The following PTPRG variants were observed in gnomAD, a reference collection of about 807,000 sequenced individuals.
PTPRG encodes protein tyrosine phosphatase receptor type G.
A neutral mutation model predicts 165.3 loss-of-function variants in PTPRG; 102 were observed. The ratio of observed to expected loss-of-function variants is 0.62; its 90% CI spans 0.53 to 0.73. The LOEUF is 0.73. PTPRG is among the 30% of genes least tolerant of loss of function. The pLI, the probability that PTPRG is intolerant of heterozygous loss-of-function variation, is 0.00. For missense variants in PTPRG, 1,866 were observed against 1,861.4 expected (o/e 1.00, Z -0.05); for synonymous variants, 675 against 669.5 (o/e 1.01, Z -0.13).
chr3:61,742,342 T>G, intron 1 of PTPRG: 1 of 686,414 alleles, frequency 1.5e-6, no homozygotes, highest in Non-Finnish European at 2.4e-6. Flanking sequence ...CGTTGATATC[T>G]TCAGTAGTAG....
chr3:62,103,926 G>A (rs56839694), intron 5 of PTPRG, among the ~76,000 whole-genome samples: 1,847 of 152,272 alleles, frequency 0.012, 32 homozygotes, highest in African/African-American at 0.042. Context: ...CCTCTCACTC[G>A]CTATTCTCAC....
chr3:62,098,305 A>G (rs1359201946), intron 5 of PTPRG, among the ~76,000 whole-genome samples: 1 of 152,178 alleles, frequency 6.6e-6, no homozygotes, highest in Non-Finnish European at 1.5e-5. Context: ...AAATAATACC[A>G]TGGTTTGCAT....
intron 1 of PTPRG, among the ~76,000 whole-genome samples, chr3:61,683,308 C>T (rs1342701705): frequency 6.6e-6 from 1 of 152,212 alleles, no homozygotes; most frequent in African/African-American, 2.4e-5. Context: ...GTCAGTCACT[C>T]AGGACAGTTT....
At chr3:62,260,826 C>CA (rs2148856186) in intron 16 of PTPRG, 1 of 152,268 alleles carries the variant, frequency 6.6e-6, no homozygotes, top group African/African-American at 2.4e-5. Context: ...ATCTACATGA[C>CA]AAAATCAGAA....
At chr3:62,125,459 T>A (rs1703253607) in intron 5 of PTPRG, among the ~76,000 whole-genome samples, 1 of 152,208 alleles carries the variant, frequency 6.6e-6, no homozygotes, top group Non-Finnish European at 1.5e-5. Flanking sequence ...TCACATCTAA[T>A]GTGTTTTGGT....
intron 4 of PTPRG, among the ~76,000 whole-genome samples, chr3:62,064,296 A>G (rs1426610141): frequency 6.6e-6 from 1 of 152,224 alleles, no homozygotes; most frequent in Non-Finnish European, 1.5e-5. Context: ...TTAGATCTAT[A>G]TACTTGGGCA....
intron 8 of PTPRG, among the ~76,000 whole-genome samples, chr3:62,169,389 A>T (rs996589576): frequency 6.6e-6 from 1 of 152,090 alleles, no homozygotes. Flanking sequence ...CTTGCTTATT[A>T]TTTTTTTAAC....
At chr3:61,621,047 A>ATGTGTGTGTGTGTG (rs201651526) in intron 1 of PTPRG, among the ~76,000 whole-genome samples, 1 of 97,160 alleles carries the variant, frequency 1.0e-5, no homozygotes, top group African/African-American at 3.6e-5. Context: ...ATATATATAT[A>ATGTGTGTGTGTGTG]TATATGTGTG....
At chr3:62,050,928 C>T (rs1308349637) in intron 4 of PTPRG, among the ~76,000 whole-genome samples, 3 of 152,080 alleles carry the variant, frequency 2.0e-5, no homozygotes, top group South Asian at 2.1e-4. Context: ...ATTAATACTC[C>T]GACTTTGTTT....
At chr3:62,179,639 T>A (rs1182245019) in intron 8 of PTPRG, among the ~76,000 whole-genome samples, 2 of 152,188 alleles carry the variant, frequency 1.3e-5, no homozygotes, top group African/African-American at 4.8e-5. Context: ...AGTGGCTCAG[T>A]CCCTGCCATG....
intron 5 of PTPRG, among the ~76,000 whole-genome samples, chr3:62,126,545 A>G (rs539909299): frequency 2.0e-5 from 3 of 152,224 alleles, no homozygotes; most frequent in Admixed American, 1.3e-4. Flanking sequence ...AACCAGTCCT[A>G]GGAGTCTGTC....
intron 2 of PTPRG, among the ~76,000 whole-genome samples, chr3:61,792,113 A>G (rs1342459048): frequency 6.6e-6 from 1 of 151,914 alleles, no homozygotes; most frequent in Non-Finnish European, 1.5e-5. Flanking sequence ...GGAAGATGAG[A>G]GATCTGTAAT....
chr3:62,100,001 G>A (rs1009712409), intron 5 of PTPRG, among the ~76,000 whole-genome samples: 2 of 151,896 alleles, frequency 1.3e-5, no homozygotes, highest in Non-Finnish European at 2.9e-5. Flanking sequence ...GTTTCACCAT[G>A]TTGACCAGGC....
At chr3:61,726,753 T>C (rs993022626) in intron 1 of PTPRG, among the ~76,000 whole-genome samples, 8 of 152,176 alleles carry the variant, frequency 5.3e-5, no homozygotes, top group Admixed American at 2.6e-4. Context: ...TTCCAACTTA[T>C]TAAGATTGAA....
chr3:62,182,691 C>T (rs918611907), intron 8 of PTPRG, among the ~76,000 whole-genome samples: 4 of 152,330 alleles, frequency 2.6e-5, no homozygotes, highest in Admixed American at 1.3e-4. Context: ...GATGGAGTCT[C>T]GCTCTGTCGC....
intron 28 of PTPRG, among the ~76,000 whole-genome samples, chr3:62,283,496 T>C (rs1034394535): frequency 2.6e-5 from 4 of 152,226 alleles, no homozygotes; most frequent in South Asian, 2.1e-4. Context: ...ATATATCTTA[T>C]TGTATATAGA....
rs1232772265 is a variant in PTPRG at position 61,781,895 on chromosome 3, T to TTG, written c.190+32914_190+32915insGT. 3.3e-5 allele frequency among the ~76,000 whole-genome samples: 5 copies of TTG among 150,058 alleles called. No individual in the cohort carries two copies. The East Asian group carries it at 7.9e-4, about 24-fold the overall frequency. The stretch of plus-strand genomic sequence containing the variant: ...GGCATGCACCACCATGCCCAGTTTT[T>TTG]TTTTTTTTTTTTTATGGTAGAGATG... On this transcript the variant is annotated intron_variant, in intron 2 of 29. Transcript: ENST00000474889.
chr3:61,826,691 C>G (rs2036123432), intron 2 of PTPRG, among the ~76,000 whole-genome samples: 2 of 152,144 alleles, frequency 1.3e-5, no homozygotes, highest in Non-Finnish European at 2.9e-5. Flanking sequence ...TCTTACTCTA[C>G]CAAGTACTTT....
At chr3:62,134,145 C>T (rs1037124170) in intron 6 of PTPRG, among the ~76,000 whole-genome samples, 9 of 152,120 alleles carry the variant, frequency 5.9e-5, no homozygotes, top group African/African-American at 2.2e-4. Flanking sequence ...GGGACACAAA[C>T]CTTCAGGCGA....
Sources: gnomAD v4.1 joint callset for allele counts (sites outside exome capture counted in the v4.1 genomes callset) on GRCh38, gnomAD v4.1.1 for gene constraint, MANE v1.5 for transcripts, NCBI Gene and HGNC (gene_info 2026-07-23, HGNC 2026-07-21) for gene names.